The following KLHL4 variants were observed in gnomAD, a reference collection of about 807,000 sequenced individuals.
KLHL4 encodes the protein kelch-like protein 4.
KLHL4 carries 17 observed loss-of-function variants against 45.8 expected under a neutral mutation model. That is an observed-to-expected ratio of 0.37 (90% CI 0.25 to 0.56). The LOEUF (loss-of-function observed/expected upper bound fraction) is 0.56. Among genes scored for constraint, KLHL4 ranks in the 20% least tolerant of loss-of-function variants. KLHL4 has a pLI of 0.79. For missense variants in KLHL4, 544 were observed against 544.9 expected, an observed-to-expected ratio of 1.00 and a Z score of 0.02; for synonymous variants, 224 against 189.9, an observed-to-expected ratio of 1.18 and a Z score of -1.47.
chrX:87,619,473 C>T (rs1212165938), intron 4 of KLHL4, among the ~76,000 whole-genome samples: 1 of 111,318 alleles, frequency 9.0e-6, no homozygotes, highest in South Asian at 3.8e-4. Context: ...TAAAATATAT[C>T]ATTTAATTAC....
intron 3 of KLHL4, among the ~76,000 whole-genome samples, chrX:87,616,863 C>CA (rs1922574006): frequency 9.0e-6 from 1 of 111,245 alleles, no homozygotes; most frequent in African/African-American, 3.3e-5. Context: ...GGCTGGACCC[C>CA]TTTACAATAT....
At chrX:87,576,865 A>G (rs1318293895) in intron 1 of KLHL4, among the ~76,000 whole-genome samples, 1 of 111,952 alleles carries the variant, frequency 8.9e-6, no homozygotes, top group African/African-American at 3.2e-5. Flanking sequence ...TACCAAATAT[A>G]TAGAAAATTA....
In KLHL4 at chrX:87,589,159, A is replaced by C. The variant is rs149690768; in HGVS notation, c.423-24718A>C. On this transcript the variant is annotated intron_variant, in intron 1 of 10. Coordinates refer to ENST00000373119, the MANE Select transcript of KLHL4 (RefSeq NM_019117.5). ...ATATTCAAAAGACAGTCAATAACAA[A>C]TGCTGGTGGGGATGTGGAGAAAAGG... Among the ~76,000 whole-genome samples the C allele has an allele frequency of 4.7e-3, 524 of 112,079 alleles. 1 individual carries two copies. Among genetic ancestry groups the C allele is most frequent in the Non-Finnish European group, 8.5e-3 (452 of 53,145 alleles).
chrX:87,576,014 CAT>C (rs1043794323), intron 1 of KLHL4, among the ~76,000 whole-genome samples: 3 of 111,502 alleles, frequency 2.7e-5, no homozygotes, highest in Non-Finnish European at 5.7e-5. Flanking sequence ...ACTGTGATAA[CAT>C]AGAAACTTCA....
At chrX:87,642,313 C>T (rs1305697388) in intron 9 of KLHL4, among the ~76,000 whole-genome samples, 1 of 111,371 alleles carries the variant, frequency 9.0e-6, no homozygotes, top group Non-Finnish European at 1.9e-5. Flanking sequence ...GTTAAGCTCA[C>T]AGGAAGCCAC....
chrX:87,657,873 T>A (rs757461994), intron 9 of KLHL4, among the ~76,000 whole-genome samples: 1 of 111,833 alleles, frequency 8.9e-6, no homozygotes, highest in African/African-American at 3.2e-5. Context: ...CAGGTGCAAG[T>A]GCTAGCCCTG....
intron 9 of KLHL4, among the ~76,000 whole-genome samples, chrX:87,638,683 T>C (rs1393061547): frequency 9.0e-6 from 1 of 111,535 alleles, no homozygotes; most frequent in Non-Finnish European, 1.9e-5. Context: ...CAAGAACTGC[T>C]AAAAGGAGCT....
At chrX:87,600,137 A>G (rs930202406) in intron 1 of KLHL4, among the ~76,000 whole-genome samples, 2 of 111,064 alleles carry the variant, frequency 1.8e-5, no homozygotes, top group Non-Finnish European at 3.8e-5. Context: ...GGCTTGAGCC[A>G]TTCCTTTGGT....
chrX:87,551,608 T>TAGATAGATAGAA (rs761675267), intron 1 of KLHL4, among the ~76,000 whole-genome samples: 5 of 107,112 alleles, frequency 4.7e-5, no homozygotes, highest in South Asian at 4.1e-4. Context: ...GATAGATAGA[T>TAGATAGATAGAA]AGAAATAGAA....
intron 2 of KLHL4, among the ~76,000 whole-genome samples, 176 bp downstream of exon 2, chrX:87,614,220 A>G (rs1443778482): frequency 9.0e-6 from 1 of 111,692 alleles, no homozygotes; most frequent in Non-Finnish European, 1.9e-5. Context: ...CAAACTTGGA[A>G]AAGACTGATG....
intron 1 of KLHL4, among the ~76,000 whole-genome samples, chrX:87,584,640 G>C (rs1401067795): frequency 9.1e-6 from 1 of 110,171 alleles, no homozygotes; most frequent in African/African-American, 3.3e-5. Context: ...TGAGTTTGAA[G>C]ACAGCTACTT....
At chrX:87,578,971 T>C (rs908356828) in intron 1 of KLHL4, among the ~76,000 whole-genome samples, 1 of 111,875 alleles carries the variant, frequency 8.9e-6, no homozygotes, top group Admixed American at 9.5e-5. Context: ...CCAGTCTAAA[T>C]CTCAATGTGC....
intron 1 of KLHL4, among the ~76,000 whole-genome samples, chrX:87,531,348 A>G (rs1028984249): frequency 9.0e-6 from 1 of 110,891 alleles, no homozygotes; most frequent in Non-Finnish European, 1.9e-5. Flanking sequence ...GCCCATGCCT[A>G]TGTCCTGAGT....
At chrX:87,658,374 TAG>T (rs1476311976) in intron 9 of KLHL4, among the ~76,000 whole-genome samples, 1 of 111,525 alleles carries the variant, frequency 9.0e-6, no homozygotes, top group Non-Finnish European at 1.9e-5. Context: ...CAGATTTCAG[TAG>T]AGACTCCTAT....
At chrX:87,534,984 G>A (rs1197044123) in intron 1 of KLHL4, among the ~76,000 whole-genome samples, 2 of 111,676 alleles carry the variant, frequency 1.8e-5, no homozygotes, top group African/African-American at 6.5e-5. Flanking sequence ...TATACTTCTT[G>A]CACCTGATCA....
rs199628281 is a variant in KLHL4 at position 87,639,863 on chromosome X, AAAC to A, written c.1925+4100_1925+4102del. The stretch of plus-strand genomic sequence containing the variant: ...GAAAGACCAGAACTAAATGAAATTG[AAAC>A]AACAACAACAAAAAAATACAAAAGA... On this transcript the variant is annotated intron_variant, in intron 9 of 10. Transcript: ENST00000373119. 3.3e-4 allele frequency among the ~76,000 whole-genome samples: 33 copies of A among 100,527 alleles called. No individual in the cohort carries two copies. The East Asian group carries it at 6.3e-3, about 19-fold the overall frequency. 87.3% of individuals were successfully genotyped at this position (100,527 alleles called of 115,157 possible).
chrX:87,604,058 C>T (rs940963496), intron 1 of KLHL4, among the ~76,000 whole-genome samples: 4 of 110,548 alleles, frequency 3.6e-5, no homozygotes, highest in Non-Finnish European at 7.6e-5. Flanking sequence ...GTTTCATAAG[C>T]GGCAGGATTT....
At chrX:87,651,134 A>G (rs945365498) in intron 9 of KLHL4, among the ~76,000 whole-genome samples, 1 of 112,092 alleles carries the variant, frequency 8.9e-6, no homozygotes, top group Admixed American at 9.5e-5. Flanking sequence ...CGCGTTGGAA[A>G]TTAACAAAAT....
chrX:87,643,243 A>G (rs138158313), intron 9 of KLHL4, among the ~76,000 whole-genome samples: 1,211 of 111,780 alleles, frequency 0.011, 8 homozygotes, highest in Middle Eastern at 0.028. Context: ...ATTACAACTG[A>G]CATACCAAAG....
Sources: gnomAD v4.1 joint callset for allele counts (sites outside exome capture counted in the v4.1 genomes callset) on GRCh38, gnomAD v4.1.1 for gene constraint, MANE v1.5 for transcripts, NCBI Gene and HGNC (gene_info 2026-07-23, HGNC 2026-07-21) for gene names.